UBTD2: variants seen among roughly 807,000 people sequenced by gnomAD.
UBTD2 encodes ubiquitin domain-containing protein 2.
UBTD2 carries 9 observed loss-of-function variants against 19.8 expected under a neutral mutation model. That is an observed-to-expected ratio of 0.46 (90% CI 0.27 to 0.79). The LOEUF is 0.79. UBTD2 is among the 30% of genes least tolerant of loss of function. The pLI, the probability that UBTD2 is intolerant of heterozygous loss-of-function variation, is 0.14. For synonymous variants in UBTD2, 98 were observed against 103.9 expected, an observed-to-expected ratio of 0.94 and a Z score of 0.35; for missense variants, 250 against 300.4, an observed-to-expected ratio of 0.83 and a Z score of 1.24.
chr5:172,279,641 T>C (rs1039020732), intron 1 of UBTD2, among the ~76,000 whole-genome samples: 2 of 152,236 alleles, frequency 1.3e-5, no homozygotes, highest in Non-Finnish European at 2.9e-5. Flanking sequence ...TATACTTTCA[T>C]TAAAGAGGTG....
In UBTD2 at chr5:172,211,784, A is replaced by G; in HGVS notation, c.*46T>C. On this transcript the variant is annotated 3_prime_UTR_variant, in exon 3 of 3. Coordinates refer to ENST00000393792, the MANE Select transcript of UBTD2 (RefSeq NM_152277.3). ...AGAGTAGGAAATGACAACAAGAACCATAAAAAGGAGCAGAGGGATGTGGGA... is the reference window on the plus strand; with the variant it reads ...AGAGTAGGAAATGACAACAAGAACCGTAAAAAGGAGCAGAGGGATGTGGGA... 2.0e-6 allele frequency: 3 copies of G among 1,527,182 alleles called. No homozygotes were observed. Among genetic ancestry groups the G allele is most frequent in the Non-Finnish European group, 2.6e-6 (3 of 1,138,168 alleles). The allele number at this position is 1,527,182 out of a possible 1,614,324, so 94.6% of individuals were successfully genotyped here. A position where few individuals can be genotyped will look rare whatever the true frequency, so the allele number is the denominator to read the frequency against.
intron 2 of UBTD2, 56 bp downstream of exon 2, chr5:172,234,066 C>T: frequency 6.4e-7 from 1 of 1,568,548 alleles, no homozygotes; most frequent in South Asian, 1.1e-5. Flanking sequence ...TGGTTTCTTG[C>T]TATCAGAAAC....
intron 2 of UBTD2, among the ~76,000 whole-genome samples, chr5:172,214,427 C>G (rs1771504830): frequency 6.6e-6 from 1 of 152,226 alleles, no homozygotes; most frequent in Non-Finnish European, 1.5e-5. Context: ...TCTGTTTAGC[C>G]TCTGTGTATT....
At position 172,210,322 on chromosome 5, in the gene UBTD2, C is replaced by T. The variant is rs750219628; in HGVS notation, c.*1508G>A. On this transcript the variant is annotated 3_prime_UTR_variant, in exon 3 of 3. Coordinates refer to ENST00000393792, the MANE Select transcript of UBTD2 (RefSeq NM_152277.3). ...TTTTGTCATTAAAATTAATAATGCA[C>T]TTCACATCCAAACAGGTGTGGAGGG... 7 of 152,184 alleles carry T rather than the reference C, an allele frequency of 4.6e-5. No individual in the cohort carries two copies. The highest frequency in any genetic ancestry group is 1.7e-4 in the African/African-American group (7 of 41,432). 9.4% of individuals were successfully genotyped at this position (152,184 alleles called of 1,614,324 possible). A position where few individuals can be genotyped will look rare whatever the true frequency, so the allele number is the denominator to read the frequency against.
chr5:172,270,926 T>C (rs1316845218), intron 1 of UBTD2, among the ~76,000 whole-genome samples: 1 of 152,178 alleles, frequency 6.6e-6, no homozygotes, highest in Non-Finnish European at 1.5e-5. Context: ...TCACCTATAA[T>C]ATAGTCTCAC....
chr5:172,218,011 C>G (rs1771578961), intron 2 of UBTD2, among the ~76,000 whole-genome samples: 2 of 152,206 alleles, frequency 1.3e-5, no homozygotes, highest in African/African-American at 4.8e-5. Flanking sequence ...CATGTTTAAA[C>G]TACTTCATCC....
chr5:172,229,822 G>A (rs1001056437), intron 2 of UBTD2, among the ~76,000 whole-genome samples: 2 of 152,128 alleles, frequency 1.3e-5, no homozygotes, highest in African/African-American at 2.4e-5. Context: ...TGTGAAAAGT[G>A]TAAATACTAC....
At chr5:172,273,112 AAT>A (rs1561867564) in intron 1 of UBTD2, among the ~76,000 whole-genome samples, 4 of 147,324 alleles carry the variant, frequency 2.7e-5, no homozygotes, top group Non-Finnish European at 3.0e-5. Flanking sequence ...TAAAAATAAA[AAT>A]CTGTCCAAAG....
chr5:172,274,595 T>C (rs1040061316), intron 1 of UBTD2, among the ~76,000 whole-genome samples: 8 of 152,176 alleles, frequency 5.3e-5, no homozygotes, highest in African/African-American at 1.9e-4. Context: ...AGAGAATGTG[T>C]TTGTCCTGAA....
intron 1 of UBTD2, among the ~76,000 whole-genome samples, chr5:172,247,350 A>G (rs1045912058): frequency 3.9e-5 from 6 of 152,010 alleles, no homozygotes; most frequent in Non-Finnish European, 8.8e-5. Flanking sequence ...GCAGAAACTG[A>G]GAGAATTACA....
chr5:172,244,937 A>G (rs1311621142), intron 1 of UBTD2, among the ~76,000 whole-genome samples: 2 of 152,190 alleles, frequency 1.3e-5, no homozygotes, highest in South Asian at 2.1e-4. Flanking sequence ...CATGTTGGCC[A>G]GGCTGGTCTA....
intron 1 of UBTD2, among the ~76,000 whole-genome samples, chr5:172,270,350 ATTT>A (rs758440849): frequency 8.7e-4 from 86 of 98,724 alleles, no homozygotes; most frequent in South Asian, 2.3e-3. Flanking sequence ...GAATTTTAGA[ATTT>A]TTTTTTTTTT....
At chr5:172,222,242 C>T (rs1771665836) in intron 2 of UBTD2, among the ~76,000 whole-genome samples, 1 of 152,106 alleles carries the variant, frequency 6.6e-6, no homozygotes. Context: ...CAACATAATC[C>T]CAATCCTCCA....
intron 1 of UBTD2, among the ~76,000 whole-genome samples, chr5:172,247,654 A>G (rs772673907): frequency 2.3e-4 from 35 of 152,370 alleles, no homozygotes; most frequent in Admixed American, 5.9e-4. Context: ...TCAGAAAGAC[A>G]TAACAAGTAT....
At chr5:172,233,147 T>C (rs1771939396) in intron 2 of UBTD2, among the ~76,000 whole-genome samples, 1 of 151,904 alleles carries the variant, frequency 6.6e-6, no homozygotes, top group East Asian at 1.9e-4. Flanking sequence ...TAGAATAAAA[T>C]AAAAATCTTT....
At chr5:172,212,871 G>C (rs1001101673) in intron 2 of UBTD2, among the ~76,000 whole-genome samples, 3 of 152,056 alleles carry the variant, frequency 2.0e-5, no homozygotes, top group African/African-American at 7.2e-5. Flanking sequence ...TCACCATGTT[G>C]GCCAGGCTGG....
At chr5:172,219,792 A>G (rs1771616347) in intron 2 of UBTD2, among the ~76,000 whole-genome samples, 2 of 152,220 alleles carry the variant, frequency 1.3e-5, no homozygotes, top group African/African-American at 4.8e-5. Flanking sequence ...GTTAAAACAC[A>G]GTGCGTGACA....
chr5:172,261,955 A>C (rs1755278625), intron 1 of UBTD2, among the ~76,000 whole-genome samples: 1 of 152,190 alleles, frequency 6.6e-6, no homozygotes. Context: ...GCAAGGAAAG[A>C]AAAGCCAACC....
chr5:172,250,598 A>C (rs1276374250), intron 1 of UBTD2, among the ~76,000 whole-genome samples: 2 of 152,200 alleles, frequency 1.3e-5, no homozygotes, highest in African/African-American at 4.8e-5. Context: ...ACAATGCATG[A>C]TCCTGGATAA....
Sources: gnomAD v4.1 joint callset for allele counts (sites outside exome capture counted in the v4.1 genomes callset) on GRCh38, gnomAD v4.1.1 for gene constraint, MANE v1.5 for transcripts, NCBI Gene and HGNC (gene_info 2026-07-23, HGNC 2026-07-21) for gene names.